Variants in CDC37L1 observed in about 807,000 individuals in gnomAD.
CDC37L1 encodes the protein cell division cycle 37 like 1, HSP90 cochaperone.
CDC37L1 carries 32 observed loss-of-function variants against 45.9 expected under a neutral mutation model. The ratio of observed to expected loss-of-function variants is 0.70; its 90% CI spans 0.53 to 0.94. CDC37L1 has a LOEUF of 0.94. CDC37L1 is among the 40% of genes least tolerant of loss of function. The probability of loss-of-function intolerance (pLI) is 0.00; values close to 1 mark genes in which losing one functional copy is unlikely to be tolerated. For missense variants in CDC37L1, 434 were observed against 405.7 expected, an observed-to-expected ratio of 1.07 and a Z score of -0.60; for synonymous variants, 150 against 133.0, an observed-to-expected ratio of 1.13 and a Z score of -0.88.
At chr9:4,680,048 C>A in intron 1 of CDC37L1, 149 bp downstream of exon 1, 1 of 985,790 alleles carries the variant, frequency 1.0e-6, no homozygotes, top group Non-Finnish European at 1.4e-6. Flanking sequence ...CGCCTGATGC[C>A]ATCCCACCCC....
chr9:4,685,237 A>T, intron 2 of CDC37L1, 79 bp downstream of exon 2: 1 of 1,073,736 alleles, frequency 9.3e-7, no homozygotes, highest in Non-Finnish European at 1.4e-6. Context: ...ATTTGGTAGC[A>T]AAGCAGCAGA....
Position 4,706,211 on chromosome 9 carries a change from G to C in CDC37L1, c.*99G>C. ...TTTATGGGTGCTGCACTTTATTTTTGTTCGGTTTTTGATGGGAGGGAAAGA... is the reference window on the plus strand; with the variant it reads ...TTTATGGGTGCTGCACTTTATTTTTCTTCGGTTTTTGATGGGAGGGAAAGA... On this transcript the variant is annotated 3_prime_UTR_variant, in exon 7 of 7. Transcript: ENST00000381854. 4 of 568,108 alleles carry C rather than the reference G, an allele frequency of 7.0e-6. No homozygotes were observed. The highest frequency in any genetic ancestry group is 1.3e-5 in the Non-Finnish European group (4 of 308,334). 35.2% of individuals were successfully genotyped at this position (568,108 alleles called of 1,614,324 possible). A position where few individuals can be genotyped will look rare whatever the true frequency, so the allele number is the denominator to read the frequency against.
In CDC37L1 at chr9:4,708,223, G is replaced by C. The variant is rs1185371120; in HGVS notation, c.*2111G>C. 3 of 152,126 alleles carry C rather than the reference G, an allele frequency of 2.0e-5. No individual in the cohort carries two copies. The East Asian group carries it at 5.8e-4, about 29-fold the overall frequency. The allele number at this position is 152,126 out of a possible 1,614,324, so 9.4% of individuals were successfully genotyped here. On this transcript the variant is annotated 3_prime_UTR_variant, in exon 7 of 7. Coordinates refer to ENST00000381854, the MANE Select transcript of CDC37L1 (RefSeq NM_017913.4). The stretch of plus-strand genomic sequence containing the variant: ...TTTTTTTTGTTTCTGAAGAAATAAA[G>C]AGTATATTAAGCAAAGGGATAATTT...
intron 1 of CDC37L1, among the ~76,000 whole-genome samples, chr9:4,683,596 G>A (rs1841218388): frequency 2.0e-5 from 3 of 152,094 alleles, no homozygotes; most frequent in Admixed American, 6.6e-5. Context: ...ATAACATCAC[G>A]AAGGGCTTTG....
intron 3 of CDC37L1, among the ~76,000 whole-genome samples, chr9:4,691,515 G>A (rs1488441386): frequency 6.6e-6 from 1 of 152,130 alleles, no homozygotes; most frequent in African/African-American, 2.4e-5. Flanking sequence ...TGTAATTAAA[G>A]CTTCCAGTTG....
intron 3 of CDC37L1, among the ~76,000 whole-genome samples, chr9:4,695,548 C>T (rs12002649): frequency 0.43 from 64,822 of 151,792 alleles, 14,861 homozygotes; most frequent in East Asian, 0.61. Context: ...AGCTGGAGCA[C>T]AGTGGTTCCA....
Position 4,693,261 on chromosome 9 carries a change from G to T in CDC37L1, c.509-3835G>T, listed in dbSNP as rs531931712. Among the ~76,000 whole-genome samples the T allele has an allele frequency of 2.7e-5, 4 of 149,760 alleles. No homozygotes were observed. The East Asian group carries it at 7.8e-4, about 29-fold the overall frequency. On this transcript the variant is annotated intron_variant, in intron 3 of 6. Coordinates refer to ENST00000381854, the MANE Select transcript of CDC37L1 (RefSeq NM_017913.4). ...ATTCAAGACCAGCCTGGGCAACACAGTGAAACCTCATCTCTACAAAAAAAA... is the reference window on the plus strand; with the variant it reads ...ATTCAAGACCAGCCTGGGCAACACATTGAAACCTCATCTCTACAAAAAAAA...
intron 5 of CDC37L1, among the ~76,000 whole-genome samples, chr9:4,698,419 A>G (rs945640760): frequency 1.3e-5 from 2 of 149,906 alleles, no homozygotes; most frequent in South Asian, 2.1e-4. Flanking sequence ...TGCTTACGCT[A>G]TGAATTCACA....
chr9:4,689,320 A>C (rs1477895148), intron 3 of CDC37L1, among the ~76,000 whole-genome samples: 1 of 151,634 alleles, frequency 6.6e-6, no homozygotes, highest in Non-Finnish European at 1.5e-5. Context: ...TTAAGGTTTA[A>C]AACTTTTTTT....
intron 5 of CDC37L1, among the ~76,000 whole-genome samples, chr9:4,700,405 T>G (rs1442287283): frequency 6.6e-6 from 1 of 152,142 alleles, no homozygotes; most frequent in Non-Finnish European, 1.5e-5. Flanking sequence ...GCCTTAACCT[T>G]CCAAAATACT....
chr9:4,684,604 GT>G (rs954302203), intron 1 of CDC37L1, among the ~76,000 whole-genome samples: 2 of 152,166 alleles, frequency 1.3e-5, no homozygotes, highest in Non-Finnish European at 1.5e-5. Context: ...TTAAACGTTT[GT>G]TAAGCACTAG....
rs375840544 is a variant in CDC37L1, at chr9:4,679,882, C to A, written c.115C>A (p.Pro39Thr). 64 of 1,613,706 alleles carry A rather than the reference C, an allele frequency of 4.0e-5. No individual in the cohort carries two copies. The highest frequency in any genetic ancestry group is 5.1e-5 in the Non-Finnish European group (60 of 1,179,942). Residue 39 changes from proline to threonine, a missense_variant, in exon 1 of 7, where the codon CCA (proline) becomes ACA (threonine). Physicochemically the swap from Pro to Thr is conservative, Grantham distance 38 (BLOSUM62 -1). Transcript: ENST00000381854. Reference protein sequence around the residue: ...FPSSPRCPQLPGGGAQMYSHG... With the variant: ...FPSSPRCPQLTGGGAQMYSHG... Reference sequence around the variant, plus strand: ...CAGTTCTCCCCGCTGCCCGCAGCTGCCAGGCGGCGGCGCCCAGGTGAGAAG... The same window carrying A: ...CAGTTCTCCCCGCTGCCCGCAGCTGACAGGCGGCGGCGCCCAGGTGAGAAG...
chr9:4,689,951 GCTTTGAAGCCATGAGAAAC>G (rs1841286031), intron 3 of CDC37L1, among the ~76,000 whole-genome samples: 1 of 152,334 alleles, frequency 6.6e-6, no homozygotes, highest in South Asian at 2.1e-4. Context: ...AAAGTTGGTT[GCTTTGAAGCCATGAGAAAC>G]CTAGTAAATG....
chr9:4,698,601 T>C (rs1841370407), intron 5 of CDC37L1, among the ~76,000 whole-genome samples: 1 of 151,984 alleles, frequency 6.6e-6, no homozygotes, highest in South Asian at 2.1e-4. Context: ...GAACAACCAC[T>C]TTAAAAAATT....
chr9:4,688,621 T>C lies in CDC37L1; in HGVS notation c.508+15T>C. ...CAGACATTTTGGTAAGTCTACTACT[T>C]GGATTTCCTTCTTTGTAATGTTTGG... is the stretch of plus-strand genomic sequence containing the variant. On this transcript the variant is annotated intron_variant, in intron 3 of 6. Coordinates refer to ENST00000381854, the MANE Select transcript of CDC37L1 (RefSeq NM_017913.4). The C allele has an allele frequency of 7.0e-7, 1 of 1,422,978 alleles. No homozygotes were observed. The highest frequency in any genetic ancestry group is 9.6e-7 in the Non-Finnish European group (1 of 1,046,526). 88.1% of individuals were successfully genotyped at this position (1,422,978 alleles called of 1,614,324 possible). A position where few individuals can be genotyped will look rare whatever the true frequency, so the allele number is the denominator to read the frequency against.
At chr9:4,682,542 T>C (rs1259003030) in intron 1 of CDC37L1, among the ~76,000 whole-genome samples, 1 of 151,970 alleles carries the variant, frequency 6.6e-6, no homozygotes, top group Non-Finnish European at 1.5e-5. Context: ...TTAGCCAGGA[T>C]GGTCTCGAGC....
chr9:4,705,278 T>C (rs1005646772), intron 6 of CDC37L1, among the ~76,000 whole-genome samples: 1 of 152,170 alleles, frequency 6.6e-6, no homozygotes, highest in African/African-American at 2.4e-5. Context: ...CAAAATTGAA[T>C]TGGGGAAGAA....
chr9:4,688,745 T>A, intron 3 of CDC37L1, 139 bp downstream of exon 3: 1 of 526,962 alleles, frequency 1.9e-6, no homozygotes, highest in Non-Finnish European at 3.3e-6. Context: ...GCTGTATAGA[T>A]CTTGTTTTAG....
At chr9:4,705,525 T>C (rs1841434032) in intron 6 of CDC37L1, among the ~76,000 whole-genome samples, 1 of 152,190 alleles carries the variant, frequency 6.6e-6, no homozygotes, top group African/African-American at 2.4e-5. Context: ...CTGAGTTTGT[T>C]TTAACCTTTG....
Sources: allele counts gnomAD v4.1 joint callset (sites outside exome capture counted in the v4.1 genomes callset), GRCh38; gene constraint gnomAD v4.1.1; transcripts MANE v1.5; gene names NCBI Gene and HGNC (gene_info 2026-07-23, HGNC 2026-07-21).